The following PIK3AP1 variants were observed in gnomAD, a reference collection of about 807,000 sequenced individuals.
The protein encoded by PIK3AP1 is phosphoinositide-3-kinase adaptor protein 1, also known as phosphoinositide 3-kinase adapter protein 1.
A neutral mutation model predicts 88.1 loss-of-function variants in PIK3AP1; 21 were observed. The ratio of observed to expected loss-of-function variants is 0.24; its 90% CI spans 0.17 to 0.34. The LOEUF (loss-of-function observed/expected upper bound fraction) is 0.34, where lower values mean the gene tolerates loss of function less well. PIK3AP1 is among the 10% of genes least tolerant of loss of function. The pLI is 1.00. For missense variants in PIK3AP1, 828 were observed against 1,035.7 expected, an observed-to-expected ratio of 0.80 and a Z score of 2.75; for synonymous variants, 398 against 400.0, an observed-to-expected ratio of 1.00 and a Z score of 0.06.
intron 7 of PIK3AP1, among the ~76,000 whole-genome samples, chr10:96,646,035 G>A (rs143372514): frequency 6.6e-6 from 1 of 152,258 alleles, no homozygotes; most frequent in East Asian, 1.9e-4. Flanking sequence ...CAAGGCAAGT[G>A]GATCACCTGA....
At chr10:96,673,684 G>C (rs1019669337) in intron 2 of PIK3AP1, among the ~76,000 whole-genome samples, 1 of 152,174 alleles carries the variant, frequency 6.6e-6, no homozygotes, top group Non-Finnish European at 1.5e-5. Context: ...GACAGACACT[G>C]ATGTCTGGAT....
At position 96,648,665 on chromosome 10, in the gene PIK3AP1, C is replaced by T; in HGVS notation, c.1179G>A (p.Glu393=). The change falls in exon 7 of 17, where the codon GAG becomes GAA. Residue 393 remains glutamate (E), a synonymous_variant. Coordinates refer to ENST00000339364, the MANE Select transcript of PIK3AP1 (RefSeq NM_152309.3). ...CCTCCTGCCTTGACCTTACCACATACTCGTCGATGAACTGCCGCAGGTCCC... is the reference window on the plus strand; with the variant it reads ...CCTCCTGCCTTGACCTTACCACATATTCGTCGATGAACTGCCGCAGGTCCC... ...GFRDLRQFID[E]YVETVDMLKS... 3 of 1,607,556 alleles carry T rather than the reference C, an allele frequency of 1.9e-6. No homozygotes were observed. Among genetic ancestry groups the T allele is most frequent in the Middle Eastern group, 1.7e-4 (1 of 5,976 alleles).
intron 2 of PIK3AP1, among the ~76,000 whole-genome samples, chr10:96,672,426 T>C (rs960533758): frequency 2.6e-5 from 4 of 152,160 alleles, no homozygotes; most frequent in Non-Finnish European, 4.4e-5. Flanking sequence ...CTCAATGTAC[T>C]TGAGGTTCAA....
chr10:96,719,260 A>C (rs887984771), intron 1 of PIK3AP1, among the ~76,000 whole-genome samples: 3 of 152,062 alleles, frequency 2.0e-5, no homozygotes, highest in Admixed American at 6.5e-5. Flanking sequence ...CTTCCGAAGC[A>C]CCCTTACCAG....
rs1384162499 is a variant in PIK3AP1, at chr10:96,602,269, T to G, written c.2360+11A>C. Reference sequence around the variant, plus strand: ...GATAAGGGAAAAATTTCATATCAGTTTTGATGTTACCTCTGTGAGGCAGCT... The same window carrying G: ...GATAAGGGAAAAATTTCATATCAGTGTTGATGTTACCTCTGTGAGGCAGCT... On this transcript the variant is annotated intron_variant, in intron 16 of 16. Coordinates refer to ENST00000339364, the MANE Select transcript of PIK3AP1 (RefSeq NM_152309.3). 6.3e-7 allele frequency: 1 copy of G among 1,584,304 alleles called. No homozygotes were observed. The highest frequency in any genetic ancestry group is 1.1e-5 in the South Asian group (1 of 89,286).
chr10:96,665,121 T>C (rs1011892401), intron 2 of PIK3AP1, among the ~76,000 whole-genome samples: 5 of 152,254 alleles, frequency 3.3e-5, no homozygotes, highest in African/African-American at 9.6e-5. Context: ...TAAAGTATTA[T>C]TAAGATGCCA....
intron 4 of PIK3AP1, among the ~76,000 whole-genome samples, chr10:96,652,011 A>G (rs1843545271): frequency 1.3e-5 from 2 of 152,182 alleles, no homozygotes; most frequent in South Asian, 4.1e-4. Flanking sequence ...GGAGGGAAAA[A>G]TCATGGGAGG....
At chr10:96,680,578 T>C (rs1843985846) in intron 2 of PIK3AP1, among the ~76,000 whole-genome samples, 1 of 152,212 alleles carries the variant, frequency 6.6e-6, no homozygotes, top group African/African-American at 2.4e-5. Flanking sequence ...TCTGTTCCTC[T>C]GTTAGTTTGC....
chr10:96,634,080 C>G (rs1452740976), intron 8 of PIK3AP1, among the ~76,000 whole-genome samples: 1 of 152,226 alleles, frequency 6.6e-6, no homozygotes, highest in Non-Finnish European at 1.5e-5. Flanking sequence ...CTATCACACT[C>G]TTTATTGGTG....
chr10:96,683,888 A>G lies in PIK3AP1; in HGVS notation c.430+25679T>C, dbSNP rs142675716. 2.5e-3 allele frequency among the ~76,000 whole-genome samples: 385 copies of G among 152,368 alleles called. 1 individual carries two copies. The highest frequency in any genetic ancestry group is 8.9e-3 in the African/African-American group (369 of 41,590). Reference sequence around the variant, plus strand: ...CCTCTGAATAAACATTCAAGACTGTATATATAGGAAGTAATGCTGGTCACA... The same window carrying G: ...CCTCTGAATAAACATTCAAGACTGTGTATATAGGAAGTAATGCTGGTCACA... On this transcript the variant is annotated intron_variant, in intron 2 of 16. Coordinates refer to ENST00000339364, the MANE Select transcript of PIK3AP1 (RefSeq NM_152309.3).
At chr10:96,619,484 G>T (rs1052273405) in intron 12 of PIK3AP1, 1 of 152,282 alleles carries the variant, frequency 6.6e-6, no homozygotes, top group African/African-American at 2.4e-5. Flanking sequence ...GAGGTGGAGA[G>T]AGAAAGCAAT....
At position 96,615,729 on chromosome 10, in the gene PIK3AP1, C is replaced by G. The variant is rs145913030; in HGVS notation, c.2014+910G>C. The stretch of plus-strand genomic sequence containing the variant: ...GTCTTGCAGCCCAGTAGTTTTCATA[C>G]AGGTGAGAAAGAAGAGGCATGGCAT... On this transcript the variant is annotated intron_variant, in intron 13 of 16. Coordinates refer to ENST00000339364, the MANE Select transcript of PIK3AP1 (RefSeq NM_152309.3). Among the ~76,000 whole-genome samples the G allele has an allele frequency of 1.5e-3, 224 of 152,234 alleles. 1 individual carries two copies. The highest frequency in any genetic ancestry group is 6.8e-3 in the Middle Eastern group (2 of 294).
At chr10:96,638,443 G>GACACACACACAGACAC (rs1381877369) in intron 8 of PIK3AP1, among the ~76,000 whole-genome samples, 1 of 132,874 alleles carries the variant, frequency 7.5e-6, no homozygotes, top group African/African-American at 2.9e-5. Context: ...AACGGACTAA[G>GACACACACACAGACAC]ACACACACAC....
At chr10:96,638,060 T>C (rs1241571082) in intron 8 of PIK3AP1, among the ~76,000 whole-genome samples, 9 of 152,192 alleles carry the variant, frequency 5.9e-5, no homozygotes, top group Non-Finnish European at 1.3e-4. Context: ...TTGGGGCAAC[T>C]GGAATGGAAT....
chr10:96,651,732 C>T, intron 4 of PIK3AP1, 81 bp from the exon 5 acceptor site: 1 of 1,482,256 alleles, frequency 6.7e-7, no homozygotes, highest in Non-Finnish European at 9.2e-7. Flanking sequence ...ATACACACTC[C>T]ATCTGAGTGG....
At chr10:96,600,804 C>T (rs1180683356) in intron 16 of PIK3AP1, among the ~76,000 whole-genome samples, 1 of 152,190 alleles carries the variant, frequency 6.6e-6, no homozygotes, top group Non-Finnish European at 1.5e-5. Context: ...CCTTATGCCC[C>T]ATTAACACAT....
At chr10:96,645,795 T>C in intron 7 of PIK3AP1, 133 bp from the exon 8 acceptor site, 1 of 722,542 alleles carries the variant, frequency 1.4e-6, no homozygotes, top group Non-Finnish European at 2.2e-6. Context: ...TTGTGTGTAT[T>C]TGTATTTTCC....
intron 2 of PIK3AP1, among the ~76,000 whole-genome samples, chr10:96,708,412 T>C (rs543783239): frequency 9.9e-5 from 15 of 151,160 alleles, no homozygotes; most frequent in Middle Eastern, 3.4e-3. Flanking sequence ...CCGTCTCTAC[T>C]AAAAATACAA....
intron 9 of PIK3AP1, among the ~76,000 whole-genome samples, chr10:96,627,421 T>TGCAGC (rs1043126255): frequency 6.6e-6 from 1 of 152,206 alleles, no homozygotes; most frequent in African/African-American, 2.4e-5. Flanking sequence ...TAAAGTCTGT[T>TGCAGC]GCAGGTACTC....
Sources: allele counts gnomAD v4.1 joint callset (sites outside exome capture counted in the v4.1 genomes callset), GRCh38; gene constraint gnomAD v4.1.1; transcripts MANE v1.5; gene names NCBI Gene and HGNC (gene_info 2026-07-23, HGNC 2026-07-21).